PIP5K1B: variants seen among roughly 807,000 people sequenced by gnomAD.
The protein encoded by PIP5K1B is phosphatidylinositol 4-phosphate 5-kinase type-1 beta.
In PIP5K1B, 42 loss-of-function variants were observed where a neutral mutation model predicts 67.0. That is an observed-to-expected ratio of 0.63 (90% CI 0.49 to 0.81). The LOEUF (loss-of-function observed/expected upper bound fraction) is 0.81. Ranked by LOEUF, PIP5K1B falls within the 30% of genes least tolerant of loss-of-function variation. The probability of loss-of-function intolerance (pLI) is 0.00; values close to 1 mark genes in which losing one functional copy is unlikely to be tolerated. For missense variants in PIP5K1B, 459 were observed against 646.3 expected, an observed-to-expected ratio of 0.71 and a Z score of 3.14; for synonymous variants, 214 against 231.4, an observed-to-expected ratio of 0.92 and a Z score of 0.68.
chr9:68,780,226 C>T, intron 2 of PIP5K1B: 1 of 1,541,776 alleles, frequency 6.5e-7, no homozygotes. Flanking sequence ...GGGAGCCCGG[C>T]GGAGGGCGGT....
chr9:68,931,526 G>A (rs536990252), intron 12 of PIP5K1B, among the ~76,000 whole-genome samples: 16 of 152,240 alleles, frequency 1.1e-4, no homozygotes, highest in Admixed American at 8.5e-4. Context: ...CTATGGGTAC[G>A]CGGAGAGAAA....
intron 4 of PIP5K1B, among the ~76,000 whole-genome samples, chr9:68,835,837 A>ATTTTT (rs9314823): frequency 0.053 from 7,589 of 144,112 alleles, 391 homozygotes; most frequent in African/African-American, 0.13. Flanking sequence ...TAGAAAGTGA[A>ATTTTT]TTTTTTTTTT....
chr9:68,961,963 C>T (rs1419417262), intron 14 of PIP5K1B, among the ~76,000 whole-genome samples: 2 of 152,232 alleles, frequency 1.3e-5, no homozygotes, highest in African/African-American at 2.4e-5. Context: ...CTTACCCCGA[C>T]ACATGCTATT....
intron 14 of PIP5K1B, among the ~76,000 whole-genome samples, chr9:68,951,642 CT>C (rs1828072500): frequency 6.6e-6 from 1 of 152,164 alleles, no homozygotes; most frequent in African/African-American, 2.4e-5. Flanking sequence ...AATCACGGAG[CT>C]TTGGAGATGA....
chr9:68,774,448 T>C (rs1830814104), intron 2 of PIP5K1B, among the ~76,000 whole-genome samples: 1 of 152,216 alleles, frequency 6.6e-6, no homozygotes, highest in African/African-American at 2.4e-5. Flanking sequence ...TTCCTTCCAA[T>C]TGAAGTACAT....
Position 68,894,406 on chromosome 9 carries a change from G to A in PIP5K1B, c.539G>A (p.Gly180Asp), listed in dbSNP as rs375483531. ...FYGLYCMQSGGINIRIVVMNN... is the reference protein window; with the variant it reads ...FYGLYCMQSGDINIRIVVMNN... ...GGACTGTATTGTATGCAATCAGGAG[G>A]CATTAATATCAGGATTGTGGTGATG... Residue 180 changes from glycine to aspartate, a missense_variant, in exon 8 of 16, where the codon GGC becomes GAC. This residue lies in a region of PIP5K1B where 290 missense variants were observed against 474.4 expected (regional missense o/e 0.61). Transcript: ENST00000265382. 6 of 1,613,638 alleles carry A rather than the reference G, an allele frequency of 3.7e-6. No homozygotes were observed. Among genetic ancestry groups the A allele is most frequent in the East Asian group, 2.2e-5 (1 of 44,876 alleles).
At chr9:68,749,169 G>A (rs147427067) in intron 2 of PIP5K1B, among the ~76,000 whole-genome samples, 1 of 152,334 alleles carries the variant, frequency 6.6e-6, no homozygotes, top group East Asian at 1.9e-4. Context: ...CTCTGTAGAT[G>A]TGGTTGAATT....
Position 68,936,427 on chromosome 9 carries a change from C to T in PIP5K1B, c.1357+1382C>T, listed in dbSNP as rs960812796. On this transcript the variant is annotated intron_variant, in intron 13 of 15. Transcript: ENST00000265382. ...TACTGAATTTTATCAAATACTTTAT[C>T]TGCCAAGTTAATCATTTGTTTTTTC... 4.6e-5 allele frequency among the ~76,000 whole-genome samples: 7 copies of T among 151,426 alleles called. No individual in the cohort carries two copies. In the South Asian group the frequency reaches 1.5e-3, roughly 32 times the overall value.
chr9:68,996,793 G>A (rs1830618118), intron 15 of PIP5K1B, among the ~76,000 whole-genome samples: 1 of 152,202 alleles, frequency 6.6e-6, no homozygotes, highest in Non-Finnish European at 1.5e-5. Flanking sequence ...GAATGGCTGG[G>A]TAAGTGGGAG....
intron 14 of PIP5K1B, among the ~76,000 whole-genome samples, chr9:68,954,733 A>G (rs1242137150): frequency 6.6e-6 from 1 of 152,236 alleles, no homozygotes; most frequent in Non-Finnish European, 1.5e-5. Context: ...ATACGACAGC[A>G]GTGGCTGTGC....
chr9:68,766,881 T>G (rs968379859), intron 2 of PIP5K1B, among the ~76,000 whole-genome samples: 2 of 152,188 alleles, frequency 1.3e-5, no homozygotes, highest in African/African-American at 2.4e-5. Context: ...CTAGGAAAAT[T>G]TACTTTATTA....
chr9:68,853,435 G>T (rs1237374442), intron 4 of PIP5K1B, among the ~76,000 whole-genome samples: 1 of 152,150 alleles, frequency 6.6e-6, no homozygotes, highest in East Asian at 1.9e-4. Flanking sequence ...CTTGGGAGAG[G>T]GTCTGCCCAC....
At chr9:68,706,810 A>G (rs1300157788) in intron 1 of PIP5K1B, among the ~76,000 whole-genome samples, 1 of 151,672 alleles carries the variant, frequency 6.6e-6, no homozygotes, top group Non-Finnish European at 1.5e-5. Context: ...GGTTTGGGGA[A>G]CCCCTTTTGT....
chr9:68,988,826 G>A (rs1830223618), intron 14 of PIP5K1B, among the ~76,000 whole-genome samples: 1 of 151,958 alleles, frequency 6.6e-6, no homozygotes, highest in Non-Finnish European at 1.5e-5. Context: ...GTTGCGCATG[G>A]TGGCTCATGC....
intron 2 of PIP5K1B, among the ~76,000 whole-genome samples, chr9:68,812,646 C>T (rs1274467602): frequency 2.0e-5 from 3 of 152,250 alleles, no homozygotes. Context: ...GGAATTTCTG[C>T]ATTCCAGGCT....
intron 2 of PIP5K1B, among the ~76,000 whole-genome samples, chr9:68,750,898 T>C (rs1179756223): frequency 2.0e-5 from 3 of 152,186 alleles, no homozygotes; most frequent in Non-Finnish European, 4.4e-5. Context: ...CCAGTGTTTG[T>C]TGATGCACCT....
intron 13 of PIP5K1B, among the ~76,000 whole-genome samples, chr9:68,936,429 G>A (rs1240948471): frequency 2.0e-5 from 3 of 151,178 alleles, no homozygotes; most frequent in Non-Finnish European, 4.4e-5. Flanking sequence ...TACTTTATCT[G>A]CCAAGTTAAT....
chr9:68,978,569 G>A (rs1010829049), intron 14 of PIP5K1B, among the ~76,000 whole-genome samples: 1 of 152,150 alleles, frequency 6.6e-6, no homozygotes, highest in Non-Finnish European at 1.5e-5. Flanking sequence ...TCCCTAAGTT[G>A]GTGTTCTGAC....
intron 1 of PIP5K1B, among the ~76,000 whole-genome samples, chr9:68,738,092 G>GCTA (rs1828827638): frequency 6.6e-6 from 1 of 152,178 alleles, no homozygotes; most frequent in South Asian, 2.1e-4. Context: ...AGGTATTTAG[G>GCTA]GTTTTCTTGG....
Sources: allele counts gnomAD v4.1 joint callset (sites outside exome capture counted in the v4.1 genomes callset), GRCh38; gene constraint gnomAD v4.1.1; regional missense constraint gnomAD v4.1.1; transcripts MANE v1.5; gene names NCBI Gene and HGNC (gene_info 2026-07-23, HGNC 2026-07-21).